Variants in AHNAK observed in about 807,000 individuals in gnomAD.
AHNAK encodes AHNAK nucleoprotein.
AHNAK carries 23 observed loss-of-function variants against 37.8 expected under a neutral mutation model. The observed-to-expected ratio is 0.61, with a 90% confidence interval of 0.44 to 0.86. The LOEUF (loss-of-function observed/expected upper bound fraction) is 0.86. Among genes scored for constraint, AHNAK ranks in the 40% least tolerant of loss-of-function variants. The probability of loss-of-function intolerance (pLI) is 0.00; values close to 1 mark genes in which losing one functional copy is unlikely to be tolerated. For missense variants in AHNAK, 7,411 were observed against 7,319.4 expected (o/e 1.01, Z -0.46); for synonymous variants, 2,481 against 2,636.3 (o/e 0.94, Z 1.80).
Position 62,519,068 on chromosome 11 carries a change from G to A in AHNAK, c.15349C>T (p.Leu5117Phe). 6.2e-7 allele frequency: 1 copy of A among 1,613,126 alleles called. No homozygotes were observed. Among genetic ancestry groups the A allele is most frequent in the Non-Finnish European group, 8.5e-7 (1 of 1,179,432 alleles). The change falls in exon 5 of 5, where the codon CTC (leucine) becomes TTC (phenylalanine). Residue 5117 changes from leucine to phenylalanine, a missense_variant. Leu to Phe is a conservative substitution (Grantham distance 22, BLOSUM62 0). Transcript: ENST00000378024. ...GAAAGTTCCAGATCAGGTGCCTGGA[G>A]TTCACCCTCCAGTTTGGGGCTAGGG... Reference protein sequence around the residue: ...PLPSPKLEGELQAPDLELSLP... With the variant: ...PLPSPKLEGEFQAPDLELSLP...
Position 62,522,533 on chromosome 11 carries a change from C to T in AHNAK, c.11884G>A (p.Asp3962Asn). 1 of 1,613,852 alleles carries T rather than the reference C, an allele frequency of 6.2e-7. No homozygotes were observed. The highest frequency in any genetic ancestry group is 8.5e-7 in the Non-Finnish European group (1 of 1,179,994). The stretch of plus-strand genomic sequence containing the variant: ...ACGTCCACCTTGGGTCCTGAGACGT[C>T]AAGGTCAGCCTTGGGCAGGTTCACA... Reference protein sequence around the residue: ...VDVNLPKADLDVSGPKVDVDV... With the variant: ...VDVNLPKADLNVSGPKVDVDV... Residue 3962 changes from aspartate (D) to asparagine (N), a missense_variant, in exon 5 of 5, where the codon GAC becomes AAC. Transcript: ENST00000378024.
intron 4 of AHNAK, among the ~76,000 whole-genome samples, chr11:62,494,575 A>C (rs1234587094): frequency 6.6e-6 from 1 of 152,028 alleles, no homozygotes; most frequent in African/African-American, 2.4e-5. Flanking sequence ...AGCTAGAAAG[A>C]GCCAGAGCTG....
In AHNAK at chr11:62,529,231, C is replaced by A. The variant is rs753070542; in HGVS notation, c.5186G>T (p.Gly1729Val). 1 of 1,614,196 alleles carries A rather than the reference C, an allele frequency of 6.2e-7. No individual in the cohort carries two copies. Among genetic ancestry groups the A allele is most frequent in the South Asian group, 1.1e-5 (1 of 91,082 alleles). The change falls in exon 5 of 5, where the codon GGC becomes GTC. Residue 1729 changes from glycine to valine, a missense_variant. Coordinates refer to ENST00000378024, the MANE Select transcript of AHNAK (RefSeq NM_001620.3). The part of the protein sequence containing the change: ...KFSMPGFKAE[G>V]PEVDVNLPKA... The stretch of plus-strand genomic sequence containing the variant: ...TGGCAGATTCACATCCACTTCAGGG[C>A]CCTCTGCTTTGAAGCCAGGCATACT...
chr11:62,544,050 C>T (rs1178997637), intron 1 of AHNAK, among the ~76,000 whole-genome samples: 1 of 152,180 alleles, frequency 6.6e-6, no homozygotes, highest in Non-Finnish European at 1.5e-5. Flanking sequence ...CCCCTCCGCC[C>T]CCACGGCTTT....
Position 62,520,021 on chromosome 11 carries a change from T to C in AHNAK, c.14396A>G (p.Asp4799Gly), listed in dbSNP as rs761187069. 6.1e-5 allele frequency: 98 copies of C among 1,613,348 alleles called. No individual in the cohort carries two copies. The Admixed American group carries it at 1.6e-3, about 26-fold the overall frequency. Residue 4799 changes from aspartate to glycine, a missense_variant, in exon 5 of 5, where the codon GAT becomes GGT. Asp to Gly is a moderately conservative substitution (Grantham distance 94, BLOSUM62 -1). Coordinates refer to ENST00000378024, the MANE Select transcript of AHNAK (RefSeq NM_001620.3). Reference protein sequence around the residue: ...SMPGFKGEGPDVDVSLPKADI... With the variant: ...SMPGFKGEGPGVDVSLPKADI... Reference sequence around the variant, plus strand: ...GGCCTTGGGCAGGCTCACATCCACATCTGGACCTTCTCCTTTGAAGCCAGG... The same window carrying C: ...GGCCTTGGGCAGGCTCACATCCACACCTGGACCTTCTCCTTTGAAGCCAGG...
In AHNAK at chr11:62,533,313, C is replaced by T. The variant is rs780029304; in HGVS notation, c.1104G>A (p.Gly368=). ...VPSANIEGLE[G]KLKGPQITGP... is the part of the protein sequence containing the mutation. ...CAGTGATTTGGGGGCCCTTCAGCTTCCCCTCAAGGCCCTCAATATTGGCAG... is the reference window on the plus strand; with the variant it reads ...CAGTGATTTGGGGGCCCTTCAGCTTTCCCTCAAGGCCCTCAATATTGGCAG... Residue 368 remains glycine (G), a synonymous_variant, in exon 5 of 5, where the codon GGG becomes GGA. Transcript: ENST00000378024. The T allele has an allele frequency of 3.3e-6, 5 of 1,532,184 alleles. No individual in the cohort carries two copies. The African/African-American group carries it at 5.6e-5, about 17-fold the overall frequency. 94.9% of individuals were successfully genotyped at this position (1,532,184 alleles called of 1,614,324 possible).
chr11:62,471,677 G>A (rs563226583), intron 5 of AHNAK, among the ~76,000 whole-genome samples: 3 of 152,296 alleles, frequency 2.0e-5, no homozygotes, highest in East Asian at 1.9e-4. Flanking sequence ...TGCAAATGGG[G>A]AAGGTGAGGT....
rs747060130 is a variant in AHNAK, at chr11:62,528,945, C to T, written c.5472G>A (p.Ala1824=). 2.2e-5 allele frequency: 36 copies of T among 1,614,006 alleles called. No homozygotes were observed. The highest frequency in any genetic ancestry group is 1.6e-4 in the Middle Eastern group (1 of 6,084). The change falls in exon 5 of 5, where the codon GCG becomes GCA. Residue 1824 remains alanine (A), a synonymous_variant. Transcript: ENST00000378024. The part of the protein sequence containing the change: ...QVDVKGPFVE[A]EVPDVDLECP... ...ACTCCAGATCAACATCGGGCACCTC[C>T]GCTTCCACAAAAGGACCTTTGACAT...
intron 4 of AHNAK, among the ~76,000 whole-genome samples, chr11:62,499,026 C>T (rs1939665125): frequency 6.6e-6 from 1 of 152,148 alleles, no homozygotes; most frequent in African/African-American, 2.4e-5. Context: ...TTCCAGCGGA[C>T]TTTATGGCCT....
chr11:62,529,528 T>C lies in AHNAK; in HGVS notation c.4889A>G (p.Glu1630Gly). 6.2e-7 allele frequency: 1 copy of C among 1,614,150 alleles called. No homozygotes were observed. The highest frequency in any genetic ancestry group is 8.5e-7 in the Non-Finnish European group (1 of 1,180,030). ...MDVNVGDIDI[E>G]GPEGKLKGPK... Reference sequence around the variant, plus strand: ...GCCCTTCAACTTCCCTTCTGGACCTTCAATATCAATATCACCAACATTCAC... The same window carrying C: ...GCCCTTCAACTTCCCTTCTGGACCTCCAATATCAATATCACCAACATTCAC... Residue 1630 changes from glutamate (E) to glycine (G), a missense_variant, in exon 5 of 5, where the codon GAA becomes GGA. By Grantham distance (98) the Glu-to-Gly change is moderately conservative. Coordinates refer to ENST00000378024, the MANE Select transcript of AHNAK (RefSeq NM_001620.3).
At chr11:62,536,144 G>A in intron 2 of AHNAK, 46 bp from the exon 3 acceptor site, 1 of 1,512,518 alleles carries the variant, frequency 6.6e-7, no homozygotes, top group South Asian at 1.3e-5. Context: ...GGGGGTGGGA[G>A]GACATGAGGG....
chr11:62,456,514 A>T (rs1368477301), intron 5 of AHNAK, among the ~76,000 whole-genome samples: 1 of 152,230 alleles, frequency 6.6e-6, no homozygotes, highest in African/African-American at 2.4e-5. Context: ...CCCAGCAGAT[A>T]CATGACTGAG....
At chr11:62,508,237 C>T (rs902588875) in intron 4 of AHNAK, among the ~76,000 whole-genome samples, 13 of 152,252 alleles carry the variant, frequency 8.5e-5, no homozygotes, top group African/African-American at 1.9e-4. Context: ...TTCAGGGAAA[C>T]GGCAGTGACA....
At chr11:62,444,463 A>T (rs774605260) in intron 5 of AHNAK, among the ~76,000 whole-genome samples, 1 of 152,234 alleles carries the variant, frequency 6.6e-6, no homozygotes, top group African/African-American at 2.4e-5. Context: ...TGAATACCAG[A>T]TTCTGCTTTC....
chr11:62,488,736 C>A lies in AHNAK; in HGVS notation c.442+2996G>T, dbSNP rs535676744. ...CCATCTGTCTAGTTTATATTCCATGCAGACTGTGCTGTAGATCCTCCTGGG... is the reference window on the plus strand; with the variant it reads ...CCATCTGTCTAGTTTATATTCCATGAAGACTGTGCTGTAGATCCTCCTGGG... On this transcript the variant is annotated intron_variant, in intron 5 of 5. Transcript: ENST00000257247. 2.6e-5 allele frequency among the ~76,000 whole-genome samples: 4 copies of A among 151,910 alleles called. No homozygotes were observed. In the South Asian group the frequency reaches 8.4e-4, roughly 32 times the overall value.
In AHNAK at chr11:62,529,834, G is replaced by A. The variant is rs748219288; in HGVS notation, c.4583C>T (p.Pro1528Leu). The A allele has an allele frequency of 6.2e-7, 1 of 1,613,796 alleles. No individual in the cohort carries two copies. ...FSMPGFKGEG[P>L]EVDMNLPKAD... ...CTTGGGCAGGTTCATATCCACCTCT[G>A]GGCCCTCTCCTTTAAAGCCAGGCAT... is the stretch of plus-strand genomic sequence containing the variant. Residue 1528 changes from proline to leucine, a missense_variant, in exon 5 of 5, where the codon CCA (proline) becomes CTA (leucine). Physicochemically the swap from Pro to Leu is moderately conservative, Grantham distance 98. Coordinates refer to ENST00000378024, the MANE Select transcript of AHNAK (RefSeq NM_001620.3).
At chr11:62,469,760 G>A (rs189612482) in intron 5 of AHNAK, among the ~76,000 whole-genome samples, 73 of 152,216 alleles carry the variant, frequency 4.8e-4, no homozygotes, top group Admixed American at 4.2e-3. Context: ...GAGCCACTAC[G>A]TGGGGCCTAC....
At chr11:62,473,413 A>G (rs1397681601) in intron 5 of AHNAK, among the ~76,000 whole-genome samples, 63 of 92,596 alleles carry the variant, frequency 6.8e-4, no homozygotes, top group African/African-American at 2.0e-3. Context: ...AAAAAAAAAA[A>G]GGCTGGGTGC....
rs549188417 is a variant in AHNAK, at chr11:62,520,539, T to A, written c.13878A>T (p.Glu4626Asp). The A allele has an allele frequency of 6.2e-7, 1 of 1,614,180 alleles. No homozygotes were observed. The highest frequency in any genetic ancestry group is 1.1e-5 in the South Asian group (1 of 91,084). ...PKVEGDLKGP[E>D]VDIRDPKVDI... ...CCACTTTGGGGTCCCTGATGTCAAC[T>A]TCGGGGCCCTTGAGGTCGCCTTCCA... is the stretch of plus-strand genomic sequence containing the variant. The change falls in exon 5 of 5, where the codon GAA (glutamate) becomes GAT (aspartate). Residue 4626 changes from glutamate to aspartate, a missense_variant. By Grantham distance (45) the Glu-to-Asp change is conservative. Coordinates refer to ENST00000378024, the MANE Select transcript of AHNAK (RefSeq NM_001620.3).
Sources: allele counts gnomAD v4.1 joint callset (sites outside exome capture counted in the v4.1 genomes callset), GRCh38; gene constraint gnomAD v4.1.1; transcripts MANE v1.5; gene names NCBI Gene and HGNC (gene_info 2026-07-23, HGNC 2026-07-21).